TTC27: variants seen among roughly 807,000 people sequenced by gnomAD.
TTC27 encodes the protein tetratricopeptide repeat domain 27, also known as tetratricopeptide repeat protein 27.
A neutral mutation model predicts 115.9 loss-of-function variants in TTC27; 79 were observed. That is an observed-to-expected ratio of 0.68 (90% CI 0.57 to 0.82). The LOEUF (loss-of-function observed/expected upper bound fraction) is 0.82. Ranked by LOEUF, TTC27 falls within the 40% of genes least tolerant of loss-of-function variation. The pLI is 0.00. For synonymous variants in TTC27, 401 were observed against 356.0 expected (o/e 1.13, Z -1.42); for missense variants, 1,054 against 993.1 (o/e 1.06, Z -0.82).
intron 5 of TTC27, among the ~76,000 whole-genome samples, chr2:32,662,292 T>C (rs1665577406): frequency 6.6e-6 from 1 of 152,242 alleles, no homozygotes; most frequent in Non-Finnish European, 1.5e-5. Flanking sequence ...TAAAATGAGT[T>C]AGGGAGGAGT....
At chr2:32,746,245 A>T (rs1385488122) in intron 12 of TTC27, among the ~76,000 whole-genome samples, 1 of 152,070 alleles carries the variant, frequency 6.6e-6, no homozygotes, top group Non-Finnish European at 1.5e-5. Context: ...ACATTTAGAT[A>T]TAAAGTTTCT....
At chr2:32,730,012 A>G (rs376971650) in intron 10 of TTC27, among the ~76,000 whole-genome samples, 2 of 152,176 alleles carry the variant, frequency 1.3e-5, no homozygotes, top group East Asian at 1.9e-4. Context: ...CTTGCGAGGT[A>G]CTTCTATCTC....
intron 10 of TTC27, among the ~76,000 whole-genome samples, chr2:32,719,916 CCT>C (rs1281069844): frequency 6.6e-6 from 1 of 152,128 alleles, no homozygotes; most frequent in African/African-American, 2.4e-5. Flanking sequence ...GGTAAGTCTC[CCT>C]CAGCAGCCCA....
chr2:32,677,645 T>A (rs113190688), intron 8 of TTC27, among the ~76,000 whole-genome samples: 8 of 151,988 alleles, frequency 5.3e-5, no homozygotes. Context: ...GAGATGTGGT[T>A]TTACCATGTT....
intron 13 of TTC27, among the ~76,000 whole-genome samples, chr2:32,761,081 C>T (rs921830081): frequency 2.6e-5 from 4 of 152,158 alleles, no homozygotes; most frequent in African/African-American, 7.2e-5. Context: ...TAACTGCTTA[C>T]GCGATCTCCC....
intron 13 of TTC27, among the ~76,000 whole-genome samples, chr2:32,771,809 C>T (rs920092472): frequency 1.3e-5 from 2 of 152,206 alleles, no homozygotes; most frequent in African/African-American, 4.8e-5. Flanking sequence ...CGGTCATTTC[C>T]TGTTTAATGA....
intron 9 of TTC27, among the ~76,000 whole-genome samples, chr2:32,698,895 T>G (rs181130369): frequency 6.6e-6 from 1 of 152,310 alleles, no homozygotes; most frequent in Admixed American, 6.5e-5. Context: ...AAAAGTATTA[T>G]GTCAGGATAA....
At chr2:32,783,521 A>G (rs1670250785) in intron 15 of TTC27, among the ~76,000 whole-genome samples, 1 of 152,224 alleles carries the variant, frequency 6.6e-6, no homozygotes, top group Admixed American at 6.5e-5. Flanking sequence ...TTATTTGACC[A>G]ATGATTGAGA....
chr2:32,668,834 C>A (rs1025988739), intron 7 of TTC27, among the ~76,000 whole-genome samples: 1 of 147,000 alleles, frequency 6.8e-6, no homozygotes, highest in African/African-American at 2.5e-5. Flanking sequence ...AATCCCAGCA[C>A]TTTGGGAGGC....
intron 12 of TTC27, among the ~76,000 whole-genome samples, chr2:32,741,887 C>G (rs1281715306): frequency 6.6e-6 from 1 of 152,122 alleles, no homozygotes; most frequent in East Asian, 1.9e-4. Context: ...TCTCCAAAAA[C>G]AAATTATGAG....
At chr2:32,759,140 A>T (rs1669347089) in intron 13 of TTC27, among the ~76,000 whole-genome samples, 1 of 152,228 alleles carries the variant, frequency 6.6e-6, no homozygotes, top group African/African-American at 2.4e-5. Flanking sequence ...TTCAGTTATC[A>T]GAATGTTTTA....
intron 10 of TTC27, among the ~76,000 whole-genome samples, chr2:32,711,162 G>A (rs1301410627): frequency 6.8e-6 from 1 of 146,160 alleles, no homozygotes. Flanking sequence ...GAAGAGAAGA[G>A]CCAAATCACT....
At chr2:32,796,328 T>C (rs1670701090) in intron 16 of TTC27, among the ~76,000 whole-genome samples, 1 of 152,162 alleles carries the variant, frequency 6.6e-6, no homozygotes, top group African/African-American at 2.4e-5. Flanking sequence ...ACACATCTCA[T>C]GTTCATGGAT....
intron 6 of TTC27, 31 bp from the exon 7 acceptor site, chr2:32,666,604 G>A: frequency 6.2e-7 from 1 of 1,611,228 alleles, no homozygotes; most frequent in Non-Finnish European, 8.5e-7. Context: ...TCATGGGTAA[G>A]TCAGTAGATA....
chr2:32,680,343 G>C (rs1306489826), intron 9 of TTC27, among the ~76,000 whole-genome samples: 2 of 152,018 alleles, frequency 1.3e-5, no homozygotes, highest in Admixed American at 1.3e-4. Context: ...TAATATATAC[G>C]GGTATTGTAC....
intron 12 of TTC27, among the ~76,000 whole-genome samples, chr2:32,754,567 A>T (rs914184894): frequency 6.7e-5 from 10 of 149,208 alleles, no homozygotes; most frequent in Non-Finnish European, 1.5e-4. Flanking sequence ...CACAGCAACC[A>T]TCCGATTTCT....
intron 18 of TTC27, among the ~76,000 whole-genome samples, chr2:32,813,432 T>C (rs1283025221): frequency 6.6e-6 from 1 of 152,246 alleles, no homozygotes; most frequent in Admixed American, 6.5e-5. Flanking sequence ...GGACCAGCTC[T>C]ATCACATGCT....
rs115919811 is a variant in TTC27, at chr2:32,788,083, T to C, written c.1998+934T>C. 4.8e-3 allele frequency among the ~76,000 whole-genome samples: 729 copies of C among 152,348 alleles called. 7 individuals carry two copies. Among genetic ancestry groups the C allele is most frequent in the African/African-American group, 0.017 (689 of 41,572 alleles). ...ACTGCTGAAAATAGTGCATATCTCT[T>C]GTTTACTGCAATTGTGATTTTTAAG... On this transcript the variant is annotated intron_variant, in intron 16 of 19. Coordinates refer to ENST00000317907, the MANE Select transcript of TTC27 (RefSeq NM_017735.5).
chr2:32,680,602 C>G (rs573013230), intron 9 of TTC27, among the ~76,000 whole-genome samples: 1 of 152,002 alleles, frequency 6.6e-6, no homozygotes, highest in South Asian at 2.1e-4. Flanking sequence ...TAGGGAAGGT[C>G]TGGAATGGCT....
Sources: allele counts gnomAD v4.1 joint callset (sites outside exome capture counted in the v4.1 genomes callset), GRCh38; gene constraint gnomAD v4.1.1; transcripts MANE v1.5; gene names NCBI Gene and HGNC (gene_info 2026-07-23, HGNC 2026-07-21).